Variants in DYNC1I1 observed in about 807,000 individuals in gnomAD.
The protein encoded by DYNC1I1 is dynein cytoplasmic 1 intermediate chain 1.
DYNC1I1 carries 43 observed loss-of-function variants against 86.6 expected under a neutral mutation model. The ratio of observed to expected loss-of-function variants is 0.50; its 90% CI spans 0.39 to 0.64. DYNC1I1 has a LOEUF of 0.64. DYNC1I1 is among the 30% of genes least tolerant of loss of function. The pLI is 0.00. For synonymous variants in DYNC1I1, 262 were observed against 283.7 expected (o/e 0.92, Z 0.77); for missense variants, 604 against 788.8 (o/e 0.77, Z 2.81).
At chr7:95,943,139 A>G (rs1792284304) in intron 6 of DYNC1I1, among the ~76,000 whole-genome samples, 1 of 148,872 alleles carries the variant, frequency 6.7e-6, no homozygotes, top group African/African-American at 2.5e-5. Context: ...GTCTCAGCCC[A>G]AAATCTCCTT....
chr7:95,783,499 T>C (rs1042768913), intron 1 of DYNC1I1, among the ~76,000 whole-genome samples: 2 of 152,232 alleles, frequency 1.3e-5, no homozygotes, highest in African/African-American at 4.8e-5. Flanking sequence ...ACAATGTGGT[T>C]ATATGTTATC....
intron 14 of DYNC1I1, 65 bp from the exon 15 acceptor site, chr7:96,075,992 G>A: frequency 6.4e-7 from 1 of 1,555,932 alleles, no homozygotes; most frequent in South Asian, 1.2e-5. Flanking sequence ...TTTTTAATTA[G>A]GCTCTCTAGA....
At chr7:95,934,890 A>G (rs913047685) in intron 6 of DYNC1I1, among the ~76,000 whole-genome samples, 1 of 151,958 alleles carries the variant, frequency 6.6e-6, no homozygotes, top group African/African-American at 2.4e-5. Flanking sequence ...CTCAAAGTTA[A>G]GAAAAAACAC....
chr7:95,954,955 CT>C (rs1390158686), intron 6 of DYNC1I1, among the ~76,000 whole-genome samples: 1 of 140,956 alleles, frequency 7.1e-6, no homozygotes, highest in East Asian at 2.3e-4. Flanking sequence ...TGGACAATGA[CT>C]TTTTTTGCCT....
chr7:95,980,445 A>C (rs1201065836), intron 7 of DYNC1I1, among the ~76,000 whole-genome samples: 1 of 151,780 alleles, frequency 6.6e-6, no homozygotes, highest in African/African-American at 2.4e-5. Flanking sequence ...TTGCGTTTCA[A>C]GGATTTATTA....
At chr7:95,780,914 G>C (rs189087928) in intron 1 of DYNC1I1, among the ~76,000 whole-genome samples, 1 of 152,104 alleles carries the variant, frequency 6.6e-6, no homozygotes, top group Non-Finnish European at 1.5e-5. Flanking sequence ...ACGACCGTGC[G>C]TCTACTGTTT....
intron 14 of DYNC1I1, among the ~76,000 whole-genome samples, chr7:96,040,129 G>A (rs377213375): frequency 1.3e-4 from 20 of 152,132 alleles, no homozygotes; most frequent in South Asian, 4.2e-4. Flanking sequence ...AGCTACTCTC[G>A]AGGCTGAGGC....
At position 95,796,317 on chromosome 7, in the gene DYNC1I1, T is replaced by C. The variant is rs147587953; in HGVS notation, c.-9-8404T>C. Among the ~76,000 whole-genome samples the C allele has an allele frequency of 1.1e-4, 16 of 152,186 alleles. No individual in the cohort carries two copies. The East Asian group carries it at 3.1e-3, about 29-fold the overall frequency. ...GTCTCTCTCTCTCTCTTTCTTTCCT[T>C]CTTTCTTTCTTGACGGAGTTTCACT... is the stretch of plus-strand genomic sequence containing the variant. On this transcript the variant is annotated intron_variant, in intron 1 of 16. Transcript: ENST00000447467.
intron 6 of DYNC1I1, among the ~76,000 whole-genome samples, chr7:95,940,188 C>T (rs947675515): frequency 5.9e-5 from 9 of 152,130 alleles, no homozygotes; most frequent in African/African-American, 1.9e-4. Flanking sequence ...GATGGGCTTC[C>T]CTTTGAGGGT....
intron 14 of DYNC1I1, among the ~76,000 whole-genome samples, chr7:96,052,501 AT>A (rs1419221694): frequency 6.6e-6 from 1 of 152,200 alleles, no homozygotes; most frequent in African/African-American, 2.4e-5. Flanking sequence ...TAAAATGGGG[AT>A]TAAAATACCT....
Position 96,080,393 on chromosome 7 carries a change from G to A in DYNC1I1, c.1681G>A (p.Ala561Thr). 1.9e-6 allele frequency: 3 copies of A among 1,612,076 alleles called. No homozygotes were observed. Among genetic ancestry groups the A allele is most frequent in the Non-Finnish European group, 2.5e-6 (3 of 1,179,024 alleles). Reference sequence around the variant, plus strand: ...AACAGCAAGTGTGGCCATTGAGGGGGCATCCGCCCTAAACCGTGTTCGTTG... The same window carrying A: ...AACAGCAAGTGTGGCCATTGAGGGGACATCCGCCCTAAACCGTGTTCGTTG... ...VPTASVAIEG[A>T]SALNRVRWAQ... Residue 561 changes from alanine to threonine, a missense_variant, in exon 16 of 17, where the codon GCA (alanine) becomes ACA (threonine). Physicochemically the swap from Ala to Thr is moderately conservative, Grantham distance 58 (BLOSUM62 0). Coordinates refer to ENST00000447467, the MANE Select transcript of DYNC1I1 (RefSeq NM_001135556.2).
chr7:96,049,345 TA>T (rs996536220), intron 14 of DYNC1I1, among the ~76,000 whole-genome samples: 1 of 151,114 alleles, frequency 6.6e-6, no homozygotes, highest in Non-Finnish European at 1.5e-5. Flanking sequence ...AGAGGCAAAG[TA>T]AAAAAAATAC....
Position 95,869,898 on chromosome 7 carries a change from A to C in DYNC1I1, c.390A>C (p.Lys130Asn). Residue 130 changes from lysine to asparagine, a missense_variant, in exon 6 of 17, where the codon AAA becomes AAC. Lys to Asn is a moderately conservative substitution (Grantham distance 94). Coordinates refer to ENST00000447467, the MANE Select transcript of DYNC1I1 (RefSeq NM_001135556.2). ...SDSELGRRLH[K>N]LGVSKVTQVD... is the part of the protein sequence containing the mutation. ...TTACTTACAGAAGAAGACTGCATAA[A>C]CTGGGCGTGTCAAAGGTCACCCAAG... 1 of 1,614,094 alleles carries C rather than the reference A, an allele frequency of 6.2e-7. No individual in the cohort carries two copies. The highest frequency in any genetic ancestry group is 8.5e-7 in the Non-Finnish European group (1 of 1,179,980).
At chr7:95,938,554 T>C (rs1051401140) in intron 6 of DYNC1I1, among the ~76,000 whole-genome samples, 2 of 152,160 alleles carry the variant, frequency 1.3e-5, no homozygotes, top group African/African-American at 2.4e-5. Flanking sequence ...ATCAGATAGA[T>C]CCAGCTTCAA....
intron 14 of DYNC1I1, among the ~76,000 whole-genome samples, chr7:96,059,644 G>T (rs544569096): frequency 6.6e-6 from 1 of 152,300 alleles, no homozygotes; most frequent in Middle Eastern, 3.4e-3. Flanking sequence ...AGTGATGGGG[G>T]TTTGGAAGAA....
At chr7:96,106,099 T>A (rs1288999602) in intron 16 of DYNC1I1, among the ~76,000 whole-genome samples, 1 of 152,214 alleles carries the variant, frequency 6.6e-6, no homozygotes, top group Admixed American at 6.5e-5. Context: ...GCTTTTTAAA[T>A]TGTCAATTTT....
intron 1 of DYNC1I1, among the ~76,000 whole-genome samples, chr7:95,788,520 C>T (rs1217148091): frequency 1.3e-5 from 2 of 152,144 alleles, no homozygotes; most frequent in Non-Finnish European, 2.9e-5. Flanking sequence ...AGGTGGTGTG[C>T]TGGCGCCATT....
chr7:96,057,970 C>T (rs1402540205), intron 14 of DYNC1I1, among the ~76,000 whole-genome samples: 1 of 152,182 alleles, frequency 6.6e-6, no homozygotes, highest in Non-Finnish European at 1.5e-5. Context: ...AAAGACACCT[C>T]AGTCCATTCC....
Position 96,025,178 on chromosome 7 carries a change from C to T in DYNC1I1, c.970-2997C>T, listed in dbSNP as rs939593762. The stretch of plus-strand genomic sequence containing the variant: ...AGACATCTTGTGAAATGACTGAATT[C>T]TCAAGTTTACATCTAAGCAATTGAA... On this transcript the variant is annotated intron_variant, in intron 10 of 16. Coordinates refer to ENST00000447467, the MANE Select transcript of DYNC1I1 (RefSeq NM_001135556.2). 2.2e-4 allele frequency among the ~76,000 whole-genome samples: 34 copies of T among 152,218 alleles called. No homozygotes were observed. The East Asian group carries it at 5.8e-3, about 26-fold the overall frequency.
Sources: allele counts gnomAD v4.1 joint callset (sites outside exome capture counted in the v4.1 genomes callset), GRCh38; gene constraint gnomAD v4.1.1; transcripts MANE v1.5; gene names NCBI Gene and HGNC (gene_info 2026-07-23, HGNC 2026-07-21).